Variants in PARN observed in about 807,000 individuals in gnomAD.
PARN encodes the protein poly(A)-specific ribonuclease PARN.
A neutral mutation model predicts 102.8 loss-of-function variants in PARN; 71 were observed. That is an observed-to-expected ratio of 0.69 (90% CI 0.57 to 0.84). The LOEUF (loss-of-function observed/expected upper bound fraction) is 0.84. Ranked by LOEUF, PARN falls within the 40% of genes least tolerant of loss-of-function variation. PARN has a pLI of 0.00. For missense variants in PARN, 782 were observed against 760.9 expected (o/e 1.03, Z -0.33); for synonymous variants, 261 against 252.9 (o/e 1.03, Z -0.30).
intron 18 of PARN, among the ~76,000 whole-genome samples, chr16:14,571,617 T>G (rs1031374456): frequency 6.6e-6 from 1 of 152,184 alleles, no homozygotes; most frequent in African/African-American, 2.4e-5. Flanking sequence ...CAGCCCTCCT[T>G]CTGTCCCCCA....
intron 21 of PARN, among the ~76,000 whole-genome samples, chr16:14,512,711 C>A (rs1466242998): frequency 6.6e-6 from 1 of 152,128 alleles, no homozygotes; most frequent in Non-Finnish European, 1.5e-5. Flanking sequence ...CAAGTGGGAC[C>A]TTATGGGACT....
rs1401747770 is a variant in PARN, at chr16:14,552,025, C to T, written c.1476G>A (p.Lys492=). 1.5e-5 allele frequency: 24 copies of T among 1,608,998 alleles called. No homozygotes were observed. In the Admixed American group the frequency reaches 3.8e-4, roughly 26 times the overall value. Residue 492 remains lysine, a synonymous_variant, in exon 21 of 24, where the codon AAG becomes AAA. Transcript: ENST00000437198. ...FVSLSQPEQV[K]IAVNTSKYAE... is the part of the protein sequence containing the mutation. ...ACAGAAATCCAAAACACTTACCAAT[C>T]TTTACTTGCTCGGGCTGGCTAAGGG...
At chr16:14,446,253 G>C (rs1210890444) in intron 23 of PARN, among the ~76,000 whole-genome samples, 1 of 152,214 alleles carries the variant, frequency 6.6e-6, no homozygotes, top group African/African-American at 2.4e-5. Context: ...ACCTGGGTCT[G>C]CCTTTCGGCT....
At chr16:14,546,610 T>A (rs1966959763) in intron 21 of PARN, among the ~76,000 whole-genome samples, 1 of 152,216 alleles carries the variant, frequency 6.6e-6, no homozygotes, top group South Asian at 2.1e-4. Flanking sequence ...CTAAAGCCAT[T>A]TCTATAAAAA....
At chr16:14,545,825 C>T (rs2072449034) in intron 21 of PARN, among the ~76,000 whole-genome samples, 2 of 152,026 alleles carry the variant, frequency 1.3e-5, no homozygotes, top group Admixed American at 1.3e-4. Flanking sequence ...GTTGACCTAC[C>T]AACAACCTCG....
chr16:14,468,840 G>C (rs1201473868), intron 22 of PARN, among the ~76,000 whole-genome samples: 1 of 151,258 alleles, frequency 6.6e-6, no homozygotes, highest in Non-Finnish European at 1.5e-5. Flanking sequence ...CCAGGAATAG[G>C]AGACCAGCTG....
At chr16:14,486,500 C>G (rs1963706335) in intron 21 of PARN, among the ~76,000 whole-genome samples, 1 of 152,204 alleles carries the variant, frequency 6.6e-6, no homozygotes, top group Non-Finnish European at 1.5e-5. Context: ...TTAATGATAT[C>G]TGATAGTTTT....
At chr16:14,585,597 A>G (rs1191699754) in intron 14 of PARN, among the ~76,000 whole-genome samples, 1 of 152,190 alleles carries the variant, frequency 6.6e-6, no homozygotes, top group Non-Finnish European at 1.5e-5. Flanking sequence ...AAACACCAAC[A>G]GGAAAAGGCA....
chr16:14,559,808 T>C lies in PARN; in HGVS notation c.1263-4099A>G, dbSNP rs576628747. ...TACCTTCACCTTCACATCTGGGGTT[T>C]AGAGGGAACTGAATAGCTCCAAAAC... On this transcript the variant is annotated intron_variant, in intron 18 of 23. Coordinates refer to ENST00000437198, the MANE Select transcript of PARN (RefSeq NM_002582.4). 2.6e-5 allele frequency among the ~76,000 whole-genome samples: 4 copies of C among 152,312 alleles called. No individual in the cohort carries two copies. The South Asian group carries it at 8.3e-4, about 32-fold the overall frequency.
chr16:14,464,890 C>T (rs1485672218), intron 22 of PARN, among the ~76,000 whole-genome samples: 2 of 152,054 alleles, frequency 1.3e-5, no homozygotes, highest in Non-Finnish European at 2.9e-5. Context: ...TACCTCATCT[C>T]TAAAGAAATG....
At chr16:14,504,140 G>A (rs771737680) in intron 21 of PARN, among the ~76,000 whole-genome samples, 1 of 152,110 alleles carries the variant, frequency 6.6e-6, no homozygotes, top group Non-Finnish European at 1.5e-5. Flanking sequence ...CTGAAATGAG[G>A]ACTAATTTTT....
chr16:14,484,026 C>T (rs1482924582), intron 21 of PARN, among the ~76,000 whole-genome samples: 3 of 152,188 alleles, frequency 2.0e-5, no homozygotes, highest in Admixed American at 6.5e-5. Context: ...AAGTCCATTA[C>T]ATCATTCTTA....
At chr16:14,447,948 A>G (rs1430758387) in intron 22 of PARN, among the ~76,000 whole-genome samples, 1 of 142,056 alleles carries the variant, frequency 7.0e-6, no homozygotes, top group Non-Finnish European at 1.5e-5. Context: ...TTATCTATCT[A>G]TCTATCTATC....
intron 20 of PARN, among the ~76,000 whole-genome samples, 157 bp downstream of exon 20, chr16:14,553,908 A>G (rs1162666697): frequency 6.6e-6 from 1 of 152,254 alleles, no homozygotes; most frequent in Admixed American, 6.5e-5. Flanking sequence ...TAGCACAAAG[A>G]TAACAGTATC....
Position 14,616,566 on chromosome 16 carries a change from A to C in PARN, c.388+1024T>G, listed in dbSNP as rs1971917711. Among the ~76,000 whole-genome samples the C allele has an allele frequency of 2.6e-5, 4 of 152,166 alleles. No individual in the cohort carries two copies. The South Asian group carries it at 8.3e-4, about 31-fold the overall frequency. ...TTTGGGACCAGCCTGGGCAATGGCGAAATCCCATTTCTACAAAAAATTCGA... is the reference window on the plus strand; with the variant it reads ...TTTGGGACCAGCCTGGGCAATGGCGCAATCCCATTTCTACAAAAAATTCGA... On this transcript the variant is annotated intron_variant, in intron 6 of 23. Coordinates refer to ENST00000437198, the MANE Select transcript of PARN (RefSeq NM_002582.4).
intron 6 of PARN, among the ~76,000 whole-genome samples, chr16:14,614,329 G>A (rs1003690146): frequency 6.6e-6 from 1 of 152,122 alleles, no homozygotes; most frequent in Non-Finnish European, 1.5e-5. Context: ...GCTGCCATTG[G>A]TATAGAGGAC....
chr16:14,528,369 G>GA (rs1315149079), intron 21 of PARN, among the ~76,000 whole-genome samples: 2 of 152,184 alleles, frequency 1.3e-5, no homozygotes, highest in Admixed American at 6.5e-5. Context: ...GAAAGAAAAG[G>GA]AAAGACAACT....
At chr16:14,447,952 A>G (rs1477239071) in intron 22 of PARN, among the ~76,000 whole-genome samples, 7 of 149,256 alleles carry the variant, frequency 4.7e-5, no homozygotes, top group Admixed American at 3.3e-4. Flanking sequence ...CTATCTATCT[A>G]TCTATCTATC....
chr16:14,443,851 T>C (rs1961067994), intron 23 of PARN, among the ~76,000 whole-genome samples: 1 of 151,634 alleles, frequency 6.6e-6, no homozygotes, highest in Non-Finnish European at 1.5e-5. Context: ...GAGTACCTGC[T>C]GAGATGCTTT....
Sources: allele counts gnomAD v4.1 joint callset (sites outside exome capture counted in the v4.1 genomes callset), GRCh38; gene constraint gnomAD v4.1.1; transcripts MANE v1.5; gene names NCBI Gene and HGNC (gene_info 2026-07-23, HGNC 2026-07-21).